PRR3: variants seen among roughly 807,000 people sequenced by gnomAD.
PRR3 encodes the protein proline-rich protein 3.
A neutral mutation model predicts 22.4 loss-of-function variants in PRR3; 16 were observed. The observed-to-expected ratio is 0.71, with a 90% CI of 0.48 to 1.09. The LOEUF is 1.09. Among genes scored for constraint, PRR3 ranks in the 50% least tolerant of loss-of-function variants. PRR3 has a pLI of 0.00. For synonymous variants in PRR3, 87 were observed against 88.6 expected (o/e 0.98, Z 0.10); for missense variants, 224 against 243.4 (o/e 0.92, Z 0.53).
At chr6:30,562,233 C>G (rs1800689525) in intron 3 of PRR3, 109 bp downstream of exon 3, 3 of 1,297,890 alleles carry the variant, frequency 2.3e-6, no homozygotes, top group Non-Finnish European at 3.2e-6. Context: ...AGAAGTAGAC[C>G]TCAATGTTAT....
Position 30,557,339 on chromosome 6 carries a change from G to A in PRR3, c.-6G>A, listed in dbSNP as rs1455990755. ...AAATCCCGCTGCAGCCATTGCCGCA[G>A]ACACGATGCCGAAACGAAAGAAGCA... On this transcript the variant is annotated 5_prime_UTR_variant, in exon 1 of 4. Transcript: ENST00000376560. 8.7e-6 allele frequency: 14 copies of A among 1,611,040 alleles called. No individual in the cohort carries two copies. The highest frequency in any genetic ancestry group is 1.2e-5 in the Non-Finnish European group (14 of 1,178,906).
chr6:30,558,052 T>C (rs1235740296), intron 1 of PRR3, 98 bp from the exon 2 acceptor site: 13 of 1,035,078 alleles, frequency 1.3e-5, no homozygotes, highest in Non-Finnish European at 1.8e-5. Flanking sequence ...ACTTTACTGG[T>C]TGAATTAAGA....
At position 30,557,549 on chromosome 6, in the gene PRR3, A is replaced by T. The variant is rs76897291; in HGVS notation, c.106+99A>T. On this transcript the variant is annotated intron_variant, in intron 1 of 3. Coordinates refer to ENST00000376560, the MANE Select transcript of PRR3 (RefSeq NM_025263.4). ...CGAAGGAGGGGGCTGTAACGGAAGG[A>T]GGAAGGGCGCACGCGCTGGGGAGGG... is the stretch of plus-strand genomic sequence containing the variant. 3.1e-5 allele frequency: 25 copies of T among 794,476 alleles called. No homozygotes were observed. The East Asian group carries it at 6.7e-4, about 21-fold the overall frequency. 49.2% of individuals were successfully genotyped at this position (794,476 alleles called of 1,614,324 possible).
intron 2 of PRR3, among the ~76,000 whole-genome samples, chr6:30,559,765 T>A (rs1395449754): frequency 6.6e-6 from 1 of 151,362 alleles, no homozygotes; most frequent in African/African-American, 2.4e-5. Flanking sequence ...GACAAAAAAA[T>A]TAAAAATAGA....
chr6:30,559,533 G>A (rs1434713124), intron 2 of PRR3, among the ~76,000 whole-genome samples: 1 of 152,042 alleles, frequency 6.6e-6, no homozygotes, highest in East Asian at 1.9e-4. Context: ...TTGAAAAATT[G>A]ACAAAAACAC....
At chr6:30,557,681 A>G (rs1285894037) in intron 1 of PRR3, among the ~76,000 whole-genome samples, 3 of 152,214 alleles carry the variant, frequency 2.0e-5, no homozygotes, top group Non-Finnish European at 4.4e-5. Flanking sequence ...GGGGGTGGAG[A>G]GAATAAAGAG....
Position 30,557,444 on chromosome 6 carries a change from C to G in PRR3, c.100C>G (p.Pro34Ala). 1.2e-6 allele frequency: 2 copies of G among 1,607,892 alleles called. No individual in the cohort carries two copies. The highest frequency in any genetic ancestry group is 1.7e-6 in the Non-Finnish European group (2 of 1,176,706). The change falls in exon 1 of 4, where the codon CCC becomes GCC. Residue 34 changes from proline (P) to alanine (A), a missense_variant. Transcript: ENST00000376560. Reference protein sequence around the residue: ...EETGDEEDGSPIGPPSLLGPP... With the variant: ...EETGDEEDGSAIGPPSLLGPP... ...GACTGGAGATGAGGAGGATGGGAGT[C>G]CCATCGGTGAGGGGTCTGGGAGGGA...
At position 30,557,372 on chromosome 6, in the gene PRR3, C is replaced by T; in HGVS notation, c.28C>T (p.His10Tyr). 1.2e-6 allele frequency: 2 copies of T among 1,612,664 alleles called. No individual in the cohort carries two copies. Among genetic ancestry groups the T allele is most frequent in the Non-Finnish European group, 8.5e-7 (1 of 1,179,928 alleles). The change falls in exon 1 of 4, where the codon CAC (histidine) becomes TAC (tyrosine). Residue 10 changes from histidine (H) to tyrosine (Y), a missense_variant. Coordinates refer to ENST00000376560, the MANE Select transcript of PRR3 (RefSeq NM_025263.4). MPKRKKQNHHQPPTQQQPPL... is the reference protein window; with the variant it reads MPKRKKQNHYQPPTQQQPPL... ...GCCGAAACGAAAGAAGCAGAATCAT[C>T]ACCAGCCACCGACACAGCAGCAGCC... is the stretch of plus-strand genomic sequence containing the variant.
intron 1 of PRR3, among the ~76,000 whole-genome samples, chr6:30,557,653 G>C (rs1168002680): frequency 6.6e-6 from 1 of 152,276 alleles, no homozygotes; most frequent in Non-Finnish European, 1.5e-5. Flanking sequence ...TACGGCCCCA[G>C]ACCTTTCTGG....
At chr6:30,557,256 C>A, upstream of PRR3, 1 of 1,008,860 alleles carries the variant, frequency 9.9e-7, no homozygotes, top group Non-Finnish European at 1.5e-6. Context: ...CATTGCTGCC[C>A]ACCGACCCCC....
At chr6:30,559,957 T>C (rs1251285889) in intron 2 of PRR3, 1 of 152,248 alleles carries the variant, frequency 6.6e-6, no homozygotes, top group Admixed American at 6.5e-5. Context: ...TGGAATATTA[T>C]TCAGCCTTAT....
upstream of PRR3, chr6:30,557,217 T>C (rs1364093552): frequency 9.0e-6 from 7 of 778,168 alleles, no homozygotes; most frequent in East Asian, 1.1e-4. Flanking sequence ...CTCCGCAACC[T>C]TCCGGAAGTG....
rs903773548 is a variant in PRR3 at position 30,562,014 on chromosome 6, G to A, written c.350G>A (p.Gly117Asp). 5.6e-6 allele frequency: 9 copies of A among 1,613,024 alleles called. No homozygotes were observed. The highest frequency in any genetic ancestry group is 1.3e-5 in the African/African-American group (1 of 75,026). ...CCTTTTCCGGGGCCAGGCCATGGGG[G>A]TCCCACCAGGGGAAGCTTTCACAAG... ...EPPFPGPGHG[G>D]PTRGSFHKEQ... The change falls in exon 3 of 4, where the codon GGT becomes GAT. Residue 117 changes from glycine to aspartate, a missense_variant. Physicochemically the swap from Gly to Asp is moderately conservative, Grantham distance 94. Coordinates refer to ENST00000376560, the MANE Select transcript of PRR3 (RefSeq NM_025263.4).
In PRR3 at chr6:30,562,081, C is replaced by G. The variant is rs552339301; in HGVS notation, c.417C>G (p.Ile139Met). ...NPRRLKSWSLIKNTCPPKDDP... is the reference protein window; with the variant it reads ...NPRRLKSWSLMKNTCPPKDDP... ...GAAGGCTCAAAAGCTGGTCTCTTATCAAGAATACCTGCCCGCCCAAGGATG... is the reference window on the plus strand; with the variant it reads ...GAAGGCTCAAAAGCTGGTCTCTTATGAAGAATACCTGCCCGCCCAAGGATG... The change falls in exon 3 of 4, where the codon ATC (isoleucine) becomes ATG (methionine). Residue 139 changes from isoleucine (I) to methionine (M), a missense_variant. Transcript: ENST00000376560. The G allele has an allele frequency of 6.2e-7, 1 of 1,608,724 alleles. No homozygotes were observed. Among genetic ancestry groups the G allele is most frequent in the South Asian group, 1.1e-5 (1 of 90,602 alleles).
At position 30,557,384 on chromosome 6, in the gene PRR3, A is replaced by G. The variant is rs763125503; in HGVS notation, c.40A>G (p.Thr14Ala). 3 of 1,612,820 alleles carry G rather than the reference A, an allele frequency of 1.9e-6. No individual in the cohort carries two copies. The South Asian group carries it at 3.3e-5, about 18-fold the overall frequency. Residue 14 changes from threonine (T) to alanine (A), a missense_variant, in exon 1 of 4, where the codon ACA becomes GCA. By Grantham distance (58) the Thr-to-Ala change is moderately conservative. Transcript: ENST00000376560. The stretch of plus-strand genomic sequence containing the variant: ...GAAGCAGAATCATCACCAGCCACCG[A>G]CACAGCAGCAGCCCCCGCTGCCCGA... The part of the protein sequence containing the change: ...RKKQNHHQPP[T>A]QQQPPLPERE...
In PRR3 at chr6:30,561,996, C is replaced by T. The variant is rs570085400; in HGVS notation, c.332C>T (p.Pro111Leu). 1.3e-4 allele frequency: 203 copies of T among 1,612,960 alleles called. 1 individual carries two copies. In the East Asian group the frequency reaches 4.1e-3, roughly 33 times the overall value. The change falls in exon 3 of 4, where the codon CCG becomes CTG. Residue 111 changes from proline to leucine, a missense_variant. Physicochemically the swap from Pro to Leu is moderately conservative, Grantham distance 98 (BLOSUM62 -3). Transcript: ENST00000376560. The surrounding 1 kb of genome is among the most constrained non-coding windows in gnomAD (Gnocchi z 4.0). The stretch of plus-strand genomic sequence containing the variant: ...GGAGTCAATGCAGAACCTCCTTTTC[C>T]GGGGCCAGGCCATGGGGGTCCCACC... ...WWGVNAEPPF[P>L]GPGHGGPTRG...
At chr6:30,556,931 A>C (rs1800258310), upstream of PRR3, 2 of 614,802 alleles carry the variant, frequency 3.3e-6, no homozygotes, top group Non-Finnish European at 5.8e-6. This position sits in a 1 kb window ranked among gnomAD's most constrained non-coding sequence, Gnocchi z 5.7. Flanking sequence ...AAAGGGCACG[A>C]AGTTGTGCCT....
intron 2 of PRR3, chr6:30,560,627 A>G (rs58871430): frequency 0.034 from 5,129 of 152,084 alleles, 149 homozygotes; most frequent in South Asian, 0.065. Flanking sequence ...TACTAAAAAT[A>G]CAAAAATTAG....
intron 3 of PRR3, 105 bp from the exon 4 acceptor site, chr6:30,562,284 A>T (rs1238880828): frequency 6.9e-6 from 8 of 1,155,268 alleles, no homozygotes; most frequent in Non-Finnish European, 1.0e-5. Flanking sequence ...ATACCTGGAA[A>T]TGGTAGGGGG....
Sources: gnomAD v4.1 joint callset for allele counts (sites outside exome capture counted in the v4.1 genomes callset) on GRCh38, gnomAD v4.1.1 for gene constraint, Gnocchi (gnomAD v3.1) non-coding constraint, MANE v1.5 for transcripts, NCBI Gene and HGNC (gene_info 2026-07-23, HGNC 2026-07-21) for gene names.